EML6: variants seen among roughly 807,000 people sequenced by gnomAD.
EML6 encodes echinoderm microtubule-associated protein-like 6.
Under a neutral mutation model 240.1 loss-of-function variants are expected in EML6, and 154 were observed. The observed-to-expected ratio is 0.64, with a 90% CI of 0.56 to 0.73. The LOEUF (loss-of-function observed/expected upper bound fraction) is 0.73. Among genes scored for constraint, EML6 ranks in the 30% least tolerant of loss-of-function variants. The pLI is 0.00. For missense variants in EML6, 2,964 were observed against 2,474.6 expected, an observed-to-expected ratio of 1.20 and a Z score of -4.20; for synonymous variants, 1,148 against 899.0, an observed-to-expected ratio of 1.28 and a Z score of -4.95.
chr2:54,846,839 C>G (rs1225936305), intron 8 of EML6, among the ~76,000 whole-genome samples: 1 of 151,676 alleles, frequency 6.6e-6, no homozygotes, highest in Non-Finnish European at 1.5e-5. Context: ...TACTTTTTAA[C>G]ATGTATGTGT....
At chr2:54,737,847 C>A (rs572102721) in intron 2 of EML6, among the ~76,000 whole-genome samples, 1 of 152,146 alleles carries the variant, frequency 6.6e-6, no homozygotes, top group African/African-American at 2.4e-5. Flanking sequence ...GCCCCTTTTA[C>A]CTCTGCGATC....
At chr2:54,943,100 C>T (rs1675511123) in intron 28 of EML6, among the ~76,000 whole-genome samples, 2 of 152,182 alleles carry the variant, frequency 1.3e-5, no homozygotes, top group Admixed American at 6.5e-5. Context: ...TCTGCTGCTT[C>T]TCAGCAGTCA....
rs56119525 is a variant in EML6 at position 54,802,618 on chromosome 2, ATACTACTACTACTACTAC to A, written c.198-10582_198-10565del. 1.4e-3 allele frequency among the ~76,000 whole-genome samples: 189 copies of A among 139,958 alleles called. 1 individual carries two copies. The East Asian group carries it at 0.026, about 19-fold the overall frequency. The allele number at this position is 139,958 out of a possible 152,430, so 91.8% of individuals were successfully genotyped here. A position where few individuals can be genotyped will look rare whatever the true frequency, so the allele number is the denominator to read the frequency against. On this transcript the variant is annotated intron_variant, in intron 2 of 41. Transcript: ENST00000356458. Reference sequence around the variant, plus strand: ...GGGCAACAGAGTGAGACCCTGTCTCATACTACTACTACTACTACTACTACTACTACTACTACTACTACT... The same window carrying A: ...GGGCAACAGAGTGAGACCCTGTCTCATACTACTACTACTACTACTACTACT...
intron 26 of EML6, among the ~76,000 whole-genome samples, chr2:54,927,061 C>A (rs1277303751): frequency 6.6e-6 from 1 of 152,190 alleles, no homozygotes; most frequent in Non-Finnish European, 1.5e-5. Context: ...TGTTTCCATG[C>A]TTTCTGGAAC....
chr2:54,907,658 G>A (rs1573117519), intron 24 of EML6, among the ~76,000 whole-genome samples: 1 of 152,172 alleles, frequency 6.6e-6, no homozygotes, highest in Non-Finnish European at 1.5e-5. Flanking sequence ...GATGTATGTG[G>A]ATCACTTTGT....
In EML6 at chr2:54,968,282, G is replaced by GT. The variant is rs1201498325; in HGVS notation, c.5751+2dup. Reference sequence around the variant, plus strand: ...TGATTTTCCATGCACAGAAAAATTTGTGAGTGTTCCTCAGAGTAACCTCCC... The same window carrying GT: ...TGATTTTCCATGCACAGAAAAATTTGTTGAGTGTTCCTCAGAGTAACCTCCC... On this transcript the variant is annotated splice_donor_variant, in intron 40 of 41. Transcript: ENST00000356458. LOFTEE classifies it high-confidence loss of function. 2 of 1,551,616 alleles carry GT rather than the reference G, an allele frequency of 1.3e-6. No homozygotes were observed. Among genetic ancestry groups the GT allele is most frequent in the Non-Finnish European group, 1.7e-6 (2 of 1,147,018 alleles).
chr2:54,828,400 A>G (rs1312999436), intron 6 of EML6, among the ~76,000 whole-genome samples: 4 of 152,226 alleles, frequency 2.6e-5, no homozygotes, highest in African/African-American at 9.7e-5. Flanking sequence ...TACAAATGAT[A>G]AAATTGTCCC....
At chr2:54,829,099 C>A (rs971390410) in intron 6 of EML6, among the ~76,000 whole-genome samples, 1 of 152,084 alleles carries the variant, frequency 6.6e-6, no homozygotes, top group Non-Finnish European at 1.5e-5. Flanking sequence ...AAACTGTAAT[C>A]TTTTTAGTAG....
At chr2:54,931,251 C>T (rs13008105) in intron 28 of EML6, among the ~76,000 whole-genome samples, 10,475 of 151,956 alleles carry the variant, frequency 0.069, 435 homozygotes, top group South Asian at 0.14. Flanking sequence ...GCCACCGCGC[C>T]CGGCGACCGT....
At chr2:54,865,344 G>A (rs1055932605) in intron 13 of EML6, among the ~76,000 whole-genome samples, 1 of 151,628 alleles carries the variant, frequency 6.6e-6, no homozygotes, top group Non-Finnish European at 1.5e-5. Context: ...AAACTGCTGG[G>A]CATTTGCCTG....
chr2:54,879,500 T>C (rs1455144769), intron 16 of EML6, 47 bp from the exon 17 acceptor site: 1 of 1,259,162 alleles, frequency 7.9e-7, no homozygotes, highest in African/African-American at 1.5e-5. Flanking sequence ...TGAAATGTTT[T>C]GTTTTTTCAT....
chr2:54,742,054 C>T (rs1169402361), intron 2 of EML6, among the ~76,000 whole-genome samples: 2 of 152,202 alleles, frequency 1.3e-5, no homozygotes, highest in African/African-American at 4.8e-5. Flanking sequence ...ACATTCATAA[C>T]AATGGGACAA....
At chr2:54,853,068 C>A (rs959537254) in intron 10 of EML6, among the ~76,000 whole-genome samples, 1 of 152,088 alleles carries the variant, frequency 6.6e-6, no homozygotes, top group Non-Finnish European at 1.5e-5. Context: ...AAATAATATT[C>A]ACTAATTTTT....
chr2:54,891,169 GT>G lies in EML6; in HGVS notation c.2539+18del. ...GCAACAAGCAGGTACTGTCGTTTGG[GT>G]TTATCATTTATGTGATTGAGAGCTT... On this transcript the variant is annotated intron_variant, in intron 18 of 41. Transcript: ENST00000356458. The G allele has an allele frequency of 7.5e-7, 1 of 1,335,846 alleles. No homozygotes were observed. Among genetic ancestry groups the G allele is most frequent in the Non-Finnish European group, 1.0e-6 (1 of 971,018 alleles). The allele number at this position is 1,335,846 out of a possible 1,614,324, so 82.7% of individuals were successfully genotyped here. A position where few individuals can be genotyped will look rare whatever the true frequency, so the allele number is the denominator to read the frequency against.
At chr2:54,864,778 A>T (rs1017898984) in intron 13 of EML6, among the ~76,000 whole-genome samples, 1 of 152,218 alleles carries the variant, frequency 6.6e-6, no homozygotes, top group Non-Finnish European at 1.5e-5. Flanking sequence ...CTTATCTCCA[A>T]AGTGCACATT....
chr2:54,962,462 C>T (rs1057202065), intron 35 of EML6, 61 bp from the exon 36 acceptor site: 5 of 1,292,504 alleles, frequency 3.9e-6, no homozygotes, highest in African/African-American at 3.0e-5. Context: ...CTCTAGATAC[C>T]TCATATGAGT....
chr2:54,861,924 A>G (rs906864963), intron 12 of EML6, among the ~76,000 whole-genome samples: 2 of 152,192 alleles, frequency 1.3e-5, no homozygotes, highest in African/African-American at 4.8e-5. Flanking sequence ...ATTCAAAATA[A>G]TAGTCATAAA....
intron 18 of EML6, 145 bp downstream of exon 18, chr2:54,891,299 C>T: frequency 2.0e-6 from 1 of 504,168 alleles, no homozygotes; most frequent in Non-Finnish European, 3.6e-6. Flanking sequence ...CCCAAGTTCG[C>T]TTAGAACGCT....
intron 12 of EML6, among the ~76,000 whole-genome samples, chr2:54,862,954 G>A (rs1306995455): frequency 5.3e-5 from 8 of 152,202 alleles, no homozygotes; most frequent in African/African-American, 2.4e-5. Flanking sequence ...GGGGAACAGG[G>A]TAACCTTTGA....
Sources: gnomAD v4.1 joint callset for allele counts (sites outside exome capture counted in the v4.1 genomes callset) on GRCh38, gnomAD v4.1.1 for gene constraint, MANE v1.5 for transcripts, NCBI Gene and HGNC (gene_info 2026-07-23, HGNC 2026-07-21) for gene names.